The following SUGCT variants were observed in gnomAD, a reference collection of about 807,000 sequenced individuals.
SUGCT encodes succinyl-CoA:glutarate-CoA transferase.
Under a neutral mutation model 55.0 loss-of-function variants are expected in SUGCT, and 41 were observed. That is an observed-to-expected ratio of 0.74 (90% CI 0.58 to 0.97). The LOEUF is 0.97. Ranked by LOEUF, SUGCT falls within the 50% of genes least tolerant of loss-of-function variation. The probability of loss-of-function intolerance (pLI) is 0.00; values close to 1 mark genes in which losing one functional copy is unlikely to be tolerated. For missense variants in SUGCT, 568 were observed against 547.8 expected (o/e 1.04, Z -0.37); for synonymous variants, 187 against 200.4 (o/e 0.93, Z 0.56).
chr7:40,903,176 C>T, the SUGCT span, among the ~76,000 whole-genome samples: 2 of 151,886 alleles, frequency 1.3e-5, no homozygotes, highest in South Asian at 2.1e-4. Flanking sequence ...GGACTATAGG[C>T]GCGTGTCACC....
chr7:40,977,207 C>T, the SUGCT span, among the ~76,000 whole-genome samples: 157 of 152,234 alleles, frequency 1.0e-3, no homozygotes, highest in Middle Eastern at 3.4e-3. Flanking sequence ...GATCCTCTGG[C>T]GGCTGCTGGG....
intron 9 of SUGCT, among the ~76,000 whole-genome samples, chr7:40,378,233 G>A (rs1431972815): frequency 6.6e-6 from 1 of 150,664 alleles, no homozygotes; most frequent in Non-Finnish European, 1.5e-5. Context: ...CTTTTTTTTG[G>A]GACTCCTGTT....
At chr7:40,217,885 G>A (rs868806283) in intron 6 of SUGCT, among the ~76,000 whole-genome samples, 6 of 152,078 alleles carry the variant, frequency 3.9e-5, no homozygotes, top group African/African-American at 7.2e-5. Context: ...TCCATGGTTG[G>A]GGAGTTCCAT....
chr7:40,761,842 TGACCG>T (rs1788546578), intron 13 of SUGCT, among the ~76,000 whole-genome samples: 1 of 152,206 alleles, frequency 6.6e-6, no homozygotes, highest in Non-Finnish European at 1.5e-5. Flanking sequence ...ATAAGAAAAC[TGACCG>T]TCCTCCGAGG....
At chr7:40,763,677 C>T (rs1788645734) in intron 13 of SUGCT, among the ~76,000 whole-genome samples, 1 of 152,130 alleles carries the variant, frequency 6.6e-6, no homozygotes, top group Admixed American at 6.5e-5. Flanking sequence ...GGGCGGTTGG[C>T]TCCAGCTCAC....
chr7:40,958,229 T>C, the SUGCT span, among the ~76,000 whole-genome samples: 22 of 152,222 alleles, frequency 1.4e-4, no homozygotes, highest in African/African-American at 4.8e-4. Flanking sequence ...TTGGGGAGGT[T>C]CTCCTGGATA....
chr7:40,838,094 C>T (rs1793083765), intron 13 of SUGCT, among the ~76,000 whole-genome samples: 1 of 152,202 alleles, frequency 6.6e-6, no homozygotes, highest in Non-Finnish European at 1.5e-5. Flanking sequence ...CTCTCTATTT[C>T]TGTTCCATTG....
At chr7:40,224,530 A>G (rs907446823) in intron 6 of SUGCT, among the ~76,000 whole-genome samples, 3 of 151,660 alleles carry the variant, frequency 2.0e-5, no homozygotes, top group African/African-American at 7.3e-5. Context: ...GAAATTGTAG[A>G]CTCCATTTGA....
chr7:40,572,462 G>A (rs1796504350), intron 12 of SUGCT, among the ~76,000 whole-genome samples: 1 of 151,978 alleles, frequency 6.6e-6, no homozygotes, highest in South Asian at 2.1e-4. Flanking sequence ...GGAGAGGTGA[G>A]GAGTTGGAGG....
intron 13 of SUGCT, among the ~76,000 whole-genome samples, chr7:40,790,353 T>C (rs1224218911): frequency 1.3e-5 from 2 of 152,208 alleles, no homozygotes; most frequent in Non-Finnish European, 2.9e-5. Flanking sequence ...TGATTATAAG[T>C]TTCCTGAGGC....
chr7:40,691,958 C>G (rs1221632562), intron 12 of SUGCT, among the ~76,000 whole-genome samples: 1 of 152,118 alleles, frequency 6.6e-6, no homozygotes, highest in Non-Finnish European at 1.5e-5. Context: ...TTGAAATGAT[C>G]TATTTCATAG....
At chr7:40,369,639 AC>A (rs1338359729) in intron 9 of SUGCT, among the ~76,000 whole-genome samples, 2 of 152,118 alleles carry the variant, frequency 1.3e-5, no homozygotes, top group African/African-American at 4.8e-5. Flanking sequence ...TCCCAATTAT[AC>A]CATTTAAGAG....
intron 11 of SUGCT, among the ~76,000 whole-genome samples, chr7:40,492,758 T>G (rs1791759689): frequency 6.6e-6 from 1 of 152,182 alleles, no homozygotes; most frequent in African/African-American, 2.4e-5. Flanking sequence ...CCTCCGTGGG[T>G]CCAGTGCAAG....
the SUGCT span, among the ~76,000 whole-genome samples, chr7:40,884,057 A>G: frequency 9.6e-3 from 1,456 of 152,294 alleles, 15 homozygotes; most frequent in Admixed American, 0.015. Flanking sequence ...CTAGTGAAAA[A>G]AAAATCTTAC....
chr7:41,028,551 G>T, the SUGCT span, among the ~76,000 whole-genome samples: 1 of 152,166 alleles, frequency 6.6e-6, no homozygotes, highest in Non-Finnish European at 1.5e-5. Flanking sequence ...AGGCTTTATG[G>T]TATAACCTAT....
chr7:40,916,000 G>A, the SUGCT span, among the ~76,000 whole-genome samples: 1 of 105,734 alleles, frequency 9.5e-6, no homozygotes, highest in Non-Finnish European at 1.9e-5. Context: ...TTTTCTTTCT[G>A]GAGACTGAGT....
chr7:40,587,525 T>C (rs1308924055), intron 12 of SUGCT, among the ~76,000 whole-genome samples: 1 of 152,228 alleles, frequency 6.6e-6, no homozygotes, highest in Non-Finnish European at 1.5e-5. Flanking sequence ...GATGTGTGTG[T>C]GTACCTAAAG....
At chr7:40,799,669 C>T (rs1370080159) in intron 13 of SUGCT, among the ~76,000 whole-genome samples, 1 of 152,186 alleles carries the variant, frequency 6.6e-6, no homozygotes, top group African/African-American at 2.4e-5. Context: ...AAAGCAATCC[C>T]ATTAGGCAAC....
At chr7:40,773,380 T>G (rs986720459) in intron 13 of SUGCT, among the ~76,000 whole-genome samples, 3 of 152,156 alleles carry the variant, frequency 2.0e-5, no homozygotes, top group Non-Finnish European at 4.4e-5. Flanking sequence ...CAGCCCACCT[T>G]GGCCTCCCAA....
Sources: allele counts gnomAD v4.1 joint callset (sites outside exome capture counted in the v4.1 genomes callset), GRCh38; gene constraint gnomAD v4.1.1; transcripts MANE v1.5; gene names NCBI Gene and HGNC (gene_info 2026-07-23, HGNC 2026-07-21).